Variants in VPS54 observed in about 807,000 individuals in gnomAD.
VPS54 encodes the protein vacuolar protein sorting-associated protein 54.
In VPS54, 45 loss-of-function variants were observed where a neutral mutation model predicts 121.5. The ratio of observed to expected loss-of-function variants is 0.37; its 90% confidence interval spans 0.29 to 0.47. The LOEUF (loss-of-function observed/expected upper bound fraction) is 0.47, where lower values mean the gene tolerates loss of function less well. VPS54 is among the 20% of genes least tolerant of loss of function. The probability of loss-of-function intolerance (pLI) is 0.99; values close to 1 mark genes in which losing one functional copy is unlikely to be tolerated. For synonymous variants in VPS54, 371 were observed against 385.8 expected (o/e 0.96, Z 0.45); for missense variants, 1,090 against 1,131.4 (o/e 0.96, Z 0.52).
chr2:63,894,628 C>G (rs190592649), intron 22 of VPS54, among the ~76,000 whole-genome samples: 158 of 150,992 alleles, frequency 1.0e-3, no homozygotes, highest in Non-Finnish European at 2.0e-3. Context: ...GCTTGAGCCA[C>G]GGAGGTTGAG....
intron 21 of VPS54, 104 bp downstream of exon 21, chr2:63,899,370 G>T (rs1672579400): frequency 5.6e-6 from 5 of 895,732 alleles, no homozygotes; most frequent in Non-Finnish European, 6.7e-6. Context: ...TAATCATATT[G>T]GAACATGAAC....
rs750974259 is a variant in VPS54, at chr2:63,919,934, C to G, written c.2113G>C (p.Val705Leu). 4 of 1,612,062 alleles carry G rather than the reference C, an allele frequency of 2.5e-6. No homozygotes were observed. Among genetic ancestry groups the G allele is most frequent in the Non-Finnish European group, 3.4e-6 (4 of 1,178,674 alleles). Residue 705 changes from valine to leucine, a missense_variant, in exon 15 of 23, where the codon GTT (valine) becomes CTT (leucine). This residue lies in a region of VPS54 where 289 missense variants were observed against 374.4 expected (regional missense o/e 0.77). Transcript: ENST00000272322. ...ADVPAEFQDL[V>L]DSLSDGKIAL... ...ATCTTCCCATCTGACAGAGAATCAA[C>G]AAGATCCTGAAATTCTGCAGGAACA...
intron 1 of VPS54, among the ~76,000 whole-genome samples, chr2:64,016,241 C>CA (rs1678684053): frequency 6.6e-6 from 1 of 152,220 alleles, no homozygotes. Context: ...TGAAGCCATT[C>CA]ATGCCTTCTC....
chr2:63,921,015 A>G (rs1333019178), intron 13 of VPS54, among the ~76,000 whole-genome samples, 191 bp downstream of exon 13: 2 of 152,174 alleles, frequency 1.3e-5, no homozygotes, highest in African/African-American at 4.8e-5. Flanking sequence ...TAATGCTTTA[A>G]TAACTCCTAT....
chr2:63,919,738 A>G, intron 15 of VPS54, 145 bp downstream of exon 15: 1 of 524,656 alleles, frequency 1.9e-6, no homozygotes, highest in Non-Finnish European at 3.3e-6. Context: ...AAATTACCAT[A>G]GTTTTCCTGT....
chr2:64,008,599 G>C (rs571964643), intron 1 of VPS54, among the ~76,000 whole-genome samples: 5 of 152,260 alleles, frequency 3.3e-5, no homozygotes, highest in South Asian at 4.1e-4. Flanking sequence ...GACTTTGTCA[G>C]TCAACAGTGA....
chr2:63,898,168 G>A (rs1484884980), intron 21 of VPS54, among the ~76,000 whole-genome samples: 1 of 152,150 alleles, frequency 6.6e-6, no homozygotes, highest in African/African-American at 2.4e-5. Context: ...CATTTGCCCA[G>A]CATTGACAAG....
At position 63,972,249 on chromosome 2, in the gene VPS54, TA is replaced by T; in HGVS notation, c.379-6del. 2 of 1,577,398 alleles carry T rather than the reference TA, an allele frequency of 1.3e-6. No individual in the cohort carries two copies. The highest frequency in any genetic ancestry group is 8.7e-7 in the Non-Finnish European group (1 of 1,154,456). ...TCTCTCATGAATCTTCTCTCTCTAA[TA>T]AAAAGACAAATAACATCATCAATGT... On this transcript the variant is annotated splice_region_variant and splice_polypyrimidine_tract_variant and intron_variant, in intron 3 of 22. Coordinates refer to ENST00000272322, the MANE Select transcript of VPS54 (RefSeq NM_016516.3).
chr2:64,016,613 T>A lies in VPS54; in HGVS notation c.-21+2325A>T, dbSNP rs1179714370. Among the ~76,000 whole-genome samples the A allele has an allele frequency of 2.0e-3, 274 of 138,864 alleles. 1 individual carries two copies. The highest frequency in any genetic ancestry group is 3.9e-3 in the African/African-American group (126 of 32,574). The allele number at this position is 138,864 out of a possible 152,430, so 91.1% of individuals were successfully genotyped here. On this transcript the variant is annotated intron_variant, in intron 1 of 22. Transcript: ENST00000272322. ...TCTAAAAACCACTGAATTGTATATTTTTTTTTTTTTTTTGAGATGGAGTCT... is the reference window on the plus strand; with the variant it reads ...TCTAAAAACCACTGAATTGTATATTATTTTTTTTTTTTTGAGATGGAGTCT...
intron 4 of VPS54, among the ~76,000 whole-genome samples, chr2:63,969,927 AC>A (rs1676186878): frequency 6.6e-6 from 1 of 151,818 alleles, no homozygotes; most frequent in African/African-American, 2.4e-5. Flanking sequence ...GCTTTTTTAT[AC>A]TACATTAATT....
At chr2:63,963,832 G>A (rs2104565117) in intron 6 of VPS54, among the ~76,000 whole-genome samples, 1 of 152,184 alleles carries the variant, frequency 6.6e-6, no homozygotes, top group South Asian at 2.1e-4. Flanking sequence ...GATAACTTTA[G>A]GACAGTGCTA....
chr2:63,988,680 T>C (rs1677169187), intron 1 of VPS54, among the ~76,000 whole-genome samples: 2 of 152,202 alleles, frequency 1.3e-5, no homozygotes, highest in East Asian at 3.8e-4. Context: ...TTTTAATCTC[T>C]TAATCCCATC....
chr2:63,948,438 G>C (rs544554090), intron 8 of VPS54, among the ~76,000 whole-genome samples: 2 of 108,048 alleles, frequency 1.9e-5, no homozygotes, highest in South Asian at 5.6e-4. Context: ...TTTTTTTTGA[G>C]ACAGGGTCTT....
Position 63,933,786 on chromosome 2 carries a change from T to TGGAGATGCATTTCTTTGA in VPS54, c.1608_1625dup (p.Gln537_Pro542dup). 1 of 1,613,930 alleles carries TGGAGATGCATTTCTTTGA rather than the reference T, an allele frequency of 6.2e-7. No individual in the cohort carries two copies. The highest frequency in any genetic ancestry group is 8.5e-7 in the Non-Finnish European group (1 of 1,179,858). ...AATCACTGCTGCAGGGCTCACTATT[T>TGGAGATGCATTTCTTTGA]GGAGATGCATTTCTTTGAGAGGTAG... On this transcript the variant is annotated inframe_insertion, in exon 12 of 23. Transcript: ENST00000272322.
intron 20 of VPS54, among the ~76,000 whole-genome samples, chr2:63,905,766 A>AC: frequency 6.6e-6 from 1 of 152,026 alleles, no homozygotes; most frequent in Non-Finnish European, 1.5e-5. Flanking sequence ...CCTTCATAAT[A>AC]CCCCTCCACC....
At chr2:63,906,707 C>T (rs1037634146) in intron 20 of VPS54, among the ~76,000 whole-genome samples, 82 of 152,150 alleles carry the variant, frequency 5.4e-4, no homozygotes, top group African/African-American at 1.9e-3. Flanking sequence ...CTAGCAGGTG[C>T]AATCTGGCTC....
intron 6 of VPS54, among the ~76,000 whole-genome samples, chr2:63,964,875 T>G (rs762692632): frequency 5.9e-5 from 9 of 152,176 alleles, no homozygotes; most frequent in Non-Finnish European, 1.3e-4. Context: ...AGACGAGCTC[T>G]AAACTGAATG....
At chr2:63,954,862 G>T (rs187753154) in intron 7 of VPS54, among the ~76,000 whole-genome samples, 2 of 151,978 alleles carry the variant, frequency 1.3e-5, no homozygotes, top group Non-Finnish European at 2.9e-5. Context: ...CAGTTTCTTC[G>T]ATTAGTATTT....
At chr2:63,947,998 G>A (rs1463445270) in intron 8 of VPS54, among the ~76,000 whole-genome samples, 2 of 152,022 alleles carry the variant, frequency 1.3e-5, no homozygotes, top group South Asian at 4.2e-4. Context: ...CACCACACCT[G>A]GCTAATTTTT....
Sources: gnomAD v4.1 joint callset for allele counts (sites outside exome capture counted in the v4.1 genomes callset) on GRCh38, gnomAD v4.1.1 for gene constraint, gnomAD v4.1.1 regional missense constraint, MANE v1.5 for transcripts, NCBI Gene and HGNC (gene_info 2026-07-23, HGNC 2026-07-21) for gene names.